The following MAP3K20 variants were observed in gnomAD, a reference collection of about 807,000 sequenced individuals.
The protein encoded by MAP3K20 is HCCS-4.
MAP3K20 carries 40 observed loss-of-function variants against 85.7 expected under a neutral mutation model. The observed-to-expected ratio is 0.47, with a 90% CI of 0.36 to 0.61. The LOEUF (loss-of-function observed/expected upper bound fraction) is 0.61, where lower values mean the gene tolerates loss of function less well. MAP3K20 is among the 20% of genes least tolerant of loss of function. The pLI, the probability that MAP3K20 is intolerant of heterozygous loss-of-function variation, is 0.00. For synonymous variants in MAP3K20, 325 were observed against 327.7 expected, an observed-to-expected ratio of 0.99 and a Z score of 0.09; for missense variants, 817 against 961.7, an observed-to-expected ratio of 0.85 and a Z score of 1.99.
intron 2 of MAP3K20, among the ~76,000 whole-genome samples, chr2:173,120,802 G>A (rs896245702): frequency 6.7e-6 from 1 of 149,716 alleles, no homozygotes; most frequent in African/African-American, 2.5e-5. Flanking sequence ...CCGCTTCCCG[G>A]GTTCAAGCAA....
chr2:173,152,512 A>G (rs1415811300), intron 2 of MAP3K20, among the ~76,000 whole-genome samples: 1 of 152,212 alleles, frequency 6.6e-6, no homozygotes, highest in East Asian at 1.9e-4. Context: ...GCATGGAAGA[A>G]TGGACCAGTT....
At chr2:173,227,259 T>A in intron 11 of MAP3K20, 1 of 496,918 alleles carries the variant, frequency 2.0e-6, no homozygotes, top group Non-Finnish European at 2.6e-6. Context: ...TTTTCTCTCC[T>A]AAAGTCAGTG....
intron 2 of MAP3K20, among the ~76,000 whole-genome samples, chr2:173,141,515 T>C (rs80098102): frequency 0.015 from 2,314 of 152,142 alleles, 67 homozygotes; most frequent in African/African-American, 0.052. Context: ...TTAATATAAT[T>C]TATCAAATCT....
intron 2 of MAP3K20, among the ~76,000 whole-genome samples, chr2:173,109,679 T>C (rs1207032893): frequency 2.0e-5 from 3 of 152,104 alleles, no homozygotes; most frequent in Non-Finnish European, 4.4e-5. Context: ...AGAGGAGAGT[T>C]TAGAAAAGAG....
chr2:173,234,852 G>A (rs1197114151), intron 14 of MAP3K20, among the ~76,000 whole-genome samples: 1 of 152,282 alleles, frequency 6.6e-6, no homozygotes, highest in South Asian at 2.1e-4. Context: ...TGGGAGTATT[G>A]AGAATTGACA....
At chr2:173,191,477 GT>G (rs918495655) in intron 7 of MAP3K20, among the ~76,000 whole-genome samples, 3 of 152,256 alleles carry the variant, frequency 2.0e-5, no homozygotes, top group African/African-American at 7.2e-5. Flanking sequence ...TTTTTGCAGG[GT>G]GGTAATGTGA....
At chr2:173,179,391 CAAAA>C (rs56111907) in intron 3 of MAP3K20, among the ~76,000 whole-genome samples, 1 of 129,484 alleles carries the variant, frequency 7.7e-6, no homozygotes, top group African/African-American at 3.0e-5. Context: ...GACTCCATCT[CAAAA>C]AAAAAAAAAA....
intron 2 of MAP3K20, among the ~76,000 whole-genome samples, chr2:173,129,099 T>G (rs1688534239): frequency 6.6e-6 from 1 of 151,990 alleles, no homozygotes; most frequent in South Asian, 2.1e-4. Flanking sequence ...TGATTTATTT[T>G]TTTATTTTTA....
chr2:173,236,186 T>C (rs1398565138), intron 14 of MAP3K20, among the ~76,000 whole-genome samples: 1 of 148,930 alleles, frequency 6.7e-6, no homozygotes, highest in Non-Finnish European at 1.5e-5. Context: ...GAGGATCGCT[T>C]GAGCCCAGGA....
chr2:173,263,631 G>C, intron 18 of MAP3K20, 114 bp from the exon 19 acceptor site: 1 of 1,034,104 alleles, frequency 9.7e-7, no homozygotes, highest in Non-Finnish European at 1.4e-6. Context: ...AGGTGAAACT[G>C]AAGTGATATA....
intron 5 of MAP3K20, among the ~76,000 whole-genome samples, chr2:173,189,789 G>T (rs147312398): frequency 1.6e-4 from 25 of 152,100 alleles, no homozygotes; most frequent in African/African-American, 6.0e-4. Context: ...CCTTGAGTTC[G>T]CTTCCTTCTC....
chr2:173,266,783 T>TAAAA lies in MAP3K20; in HGVS notation c.*47_*50dup, dbSNP rs3835094. 11,822 of 1,024,314 alleles carry TAAAA rather than the reference T, an allele frequency of 0.012. 21 individuals are homozygous for TAAAA. Among genetic ancestry groups the TAAAA allele is most frequent in the Non-Finnish European group, 0.013 (10,334 of 774,538 alleles). The allele number at this position is 1,024,314 out of a possible 1,614,324, so 63.5% of individuals were successfully genotyped here. On this transcript the variant is annotated 3_prime_UTR_variant, in exon 20 of 20. Coordinates refer to ENST00000375213, the MANE Select transcript of MAP3K20 (RefSeq NM_016653.3). ...AACTACATAGCTTTTCTAAGCAGGT[T>TAAAA]AAAAAAAAAAAAAAAAAGAAATGTA...
chr2:173,168,587 A>C (rs1373738849), intron 2 of MAP3K20, among the ~76,000 whole-genome samples: 2 of 152,156 alleles, frequency 1.3e-5, no homozygotes, highest in African/African-American at 4.8e-5. Flanking sequence ...CTTTCTGACC[A>C]AAGTGTCTCC....
intron 14 of MAP3K20, among the ~76,000 whole-genome samples, chr2:173,232,809 C>T (rs1684552652): frequency 1.3e-5 from 2 of 152,122 alleles, no homozygotes; most frequent in Non-Finnish European, 2.9e-5. Flanking sequence ...TGGCCTCCAT[C>T]AACAAATCTT....
chr2:173,097,033 G>A (rs933263337), intron 2 of MAP3K20, among the ~76,000 whole-genome samples: 1 of 152,172 alleles, frequency 6.6e-6, no homozygotes, highest in African/African-American at 2.4e-5. Context: ...ACTGCCCAGA[G>A]GAGAACACTC....
chr2:173,204,290 T>C (rs1258276006), intron 9 of MAP3K20, among the ~76,000 whole-genome samples: 1 of 152,182 alleles, frequency 6.6e-6, no homozygotes, highest in Non-Finnish European at 1.5e-5. Flanking sequence ...ATTTAACAGA[T>C]GAAGAACCAA....
At chr2:173,147,561 T>G (rs112490917) in intron 2 of MAP3K20, among the ~76,000 whole-genome samples, 3 of 152,290 alleles carry the variant, frequency 2.0e-5, no homozygotes, top group African/African-American at 7.2e-5. Context: ...TAATTTTGAC[T>G]CAAAATAGTA....
At chr2:173,192,981 T>TGG (rs1690707693) in intron 7 of MAP3K20, 1 of 152,180 alleles carries the variant, frequency 6.6e-6, no homozygotes, top group Non-Finnish European at 1.5e-5. Context: ...ATAGTTGGCT[T>TGG]TTTGTTTCTT....
At chr2:173,088,852 G>A (rs1369723337) in intron 1 of MAP3K20, among the ~76,000 whole-genome samples, 1 of 152,120 alleles carries the variant, frequency 6.6e-6, no homozygotes, top group Non-Finnish European at 1.5e-5. Flanking sequence ...AACATAAACT[G>A]TTGATTCACA....
Sources: gnomAD v4.1 joint callset for allele counts (sites outside exome capture counted in the v4.1 genomes callset) on GRCh38, gnomAD v4.1.1 for gene constraint, MANE v1.5 for transcripts, NCBI Gene and HGNC (gene_info 2026-07-23, HGNC 2026-07-21) for gene names.